Variants in PDSS2 observed in about 807,000 individuals in gnomAD.
PDSS2 encodes decaprenyl diphosphate synthase subunit 2.
PDSS2 carries 31 observed loss-of-function variants against 44.5 expected under a neutral mutation model. That is an observed-to-expected ratio of 0.70 (90% CI 0.52 to 0.94). The LOEUF is 0.94. Among genes scored for constraint, PDSS2 ranks in the 40% least tolerant of loss-of-function variants. The probability of loss-of-function intolerance (pLI) is 0.00; values close to 1 mark genes in which losing one functional copy is unlikely to be tolerated. For missense variants in PDSS2, 452 were observed against 482.2 expected (o/e 0.94, Z 0.59); for synonymous variants, 157 against 180.3 (o/e 0.87, Z 1.03).
intron 1 of PDSS2, among the ~76,000 whole-genome samples, chr6:107,391,761 C>T (rs1183691620): frequency 1.3e-5 from 2 of 151,978 alleles, no homozygotes; most frequent in Non-Finnish European, 2.9e-5. Context: ...AAATCCATTT[C>T]ATTCATGTAT....
intron 2 of PDSS2, among the ~76,000 whole-genome samples, chr6:107,288,038 T>C (rs1002539613): frequency 4.0e-5 from 6 of 151,664 alleles, no homozygotes; most frequent in Non-Finnish European, 5.9e-5. Flanking sequence ...AAATTAGAGA[T>C]GGGGTTTTCC....
intron 1 of PDSS2, among the ~76,000 whole-genome samples, chr6:107,352,714 T>C (rs1778470839): frequency 6.6e-6 from 1 of 152,210 alleles, no homozygotes; most frequent in East Asian, 1.9e-4. Flanking sequence ...TCGGGTGATT[T>C]TACCTTTCTC....
At chr6:107,258,005 GACTT>G (rs1387492549) in intron 3 of PDSS2, among the ~76,000 whole-genome samples, 14 of 152,240 alleles carry the variant, frequency 9.2e-5, no homozygotes, top group African/African-American at 3.1e-4. Context: ...TTTAGTATGT[GACTT>G]ACTTGTGTAA....
chr6:107,245,794 G>A (rs1480109277), intron 3 of PDSS2, among the ~76,000 whole-genome samples, 175 bp from the exon 4 acceptor site: 1 of 152,084 alleles, frequency 6.6e-6, no homozygotes, highest in Non-Finnish European at 1.5e-5. Context: ...TATTAAAGCT[G>A]TGATCCAAAT....
rs568153159 is a variant in PDSS2, at chr6:107,364,452, G to C, written c.297-30120C>G. Among the ~76,000 whole-genome samples, 199 of 152,340 alleles carry C rather than the reference G, an allele frequency of 1.3e-3. 2 individuals carry two copies. Among genetic ancestry groups the C allele is most frequent in the Admixed American group, 3.9e-3 (60 of 15,312 alleles). On this transcript the variant is annotated intron_variant, in intron 1 of 7. Transcript: ENST00000369037. Reference sequence around the variant, plus strand: ...AGCGCCAGTGGGCCGGCACTGCTGGGGGACTCAGTACACCCTCCGCAGCCA... The same window carrying C: ...AGCGCCAGTGGGCCGGCACTGCTGGCGGACTCAGTACACCCTCCGCAGCCA...
In PDSS2 at chr6:107,173,516, G is replaced by C. The variant is rs547460959; in HGVS notation, c.1042-18739C>G. 4.8e-4 allele frequency among the ~76,000 whole-genome samples: 68 copies of C among 141,062 alleles called. 1 individual carries two copies. The South Asian group carries it at 5.3e-3, about 11-fold the overall frequency. 92.5% of individuals were successfully genotyped at this position (141,062 alleles called of 152,430 possible). On this transcript the variant is annotated intron_variant, in intron 7 of 7. Transcript: ENST00000369037. ...TTCAACCTGGGAAGCAGAGGTTGCAGTGAGCCGAGATCGCGCCACTGCACT... is the reference window on the plus strand; with the variant it reads ...TTCAACCTGGGAAGCAGAGGTTGCACTGAGCCGAGATCGCGCCACTGCACT...
intron 2 of PDSS2, among the ~76,000 whole-genome samples, chr6:107,294,241 G>C (rs1046603771): frequency 6.6e-6 from 1 of 152,120 alleles, no homozygotes; most frequent in Non-Finnish European, 1.5e-5. Flanking sequence ...GAAAAAGAGT[G>C]TCAGGGCATA....
At chr6:107,436,246 G>A (rs1326105972) in intron 1 of PDSS2, among the ~76,000 whole-genome samples, 1 of 152,112 alleles carries the variant, frequency 6.6e-6, no homozygotes, top group African/African-American at 2.4e-5. Flanking sequence ...TGGCCCTAGA[G>A]AATAAAGAAG....
At chr6:107,434,884 T>C (rs180759760) in intron 1 of PDSS2, among the ~76,000 whole-genome samples, 7 of 152,208 alleles carry the variant, frequency 4.6e-5, no homozygotes, top group East Asian at 1.9e-4. Context: ...TGTATATATA[T>C]ACATATATAC....
intron 1 of PDSS2, among the ~76,000 whole-genome samples, chr6:107,356,485 G>A (rs1238671955): frequency 6.6e-6 from 1 of 152,132 alleles, no homozygotes; most frequent in Non-Finnish European, 1.5e-5. Flanking sequence ...CCTTTTTTCT[G>A]TAGCACACAT....
chr6:107,424,741 AC>A (rs1206698584), intron 1 of PDSS2, among the ~76,000 whole-genome samples: 1 of 152,250 alleles, frequency 6.6e-6, no homozygotes, highest in African/African-American at 2.4e-5. Context: ...CCATCATTTA[AC>A]AAGAAATTAG....
intron 4 of PDSS2, among the ~76,000 whole-genome samples, chr6:107,243,910 C>T (rs1339586291): frequency 1.3e-5 from 2 of 152,164 alleles, no homozygotes; most frequent in African/African-American, 4.8e-5. Context: ...GGGCAGATCA[C>T]CTGAGGTCAG....
intron 1 of PDSS2, among the ~76,000 whole-genome samples, chr6:107,424,155 T>G (rs887174278): frequency 2.0e-5 from 3 of 147,674 alleles, no homozygotes; most frequent in Non-Finnish European, 3.0e-5. Context: ...GATCCTCCCA[T>G]GACAGCATCT....
intron 4 of PDSS2, among the ~76,000 whole-genome samples, chr6:107,239,466 T>C (rs1774340889): frequency 6.6e-6 from 1 of 152,120 alleles, no homozygotes; most frequent in Non-Finnish European, 1.5e-5. Context: ...CAAAGTGTTA[T>C]ATACAGTAAC....
At chr6:107,222,407 C>G (rs1773638015) in intron 4 of PDSS2, among the ~76,000 whole-genome samples, 1 of 152,090 alleles carries the variant, frequency 6.6e-6, no homozygotes, top group Non-Finnish European at 1.5e-5. Context: ...GTAATCCCAG[C>G]ACTTTGGGAG....
chr6:107,218,885 T>C (rs1260828851), intron 4 of PDSS2, among the ~76,000 whole-genome samples: 2 of 151,944 alleles, frequency 1.3e-5, no homozygotes, highest in Non-Finnish European at 2.9e-5. Flanking sequence ...TGGTGAAACT[T>C]TGTCTCTACT....
At chr6:107,311,347 C>G (rs1777040206) in intron 2 of PDSS2, among the ~76,000 whole-genome samples, 1 of 151,934 alleles carries the variant, frequency 6.6e-6, no homozygotes, top group African/African-American at 2.4e-5. Context: ...GCTGGGACTA[C>G]AAGTATGTGC....
chr6:107,370,497 T>A (rs1175773623), intron 1 of PDSS2, among the ~76,000 whole-genome samples: 1 of 152,334 alleles, frequency 6.6e-6, no homozygotes, highest in African/African-American at 2.4e-5. Context: ...TTCAATAACA[T>A]CAGCAAAATT....
intron 2 of PDSS2, among the ~76,000 whole-genome samples, chr6:107,278,854 A>C (rs911799655): frequency 1.3e-5 from 2 of 152,220 alleles, no homozygotes; most frequent in African/African-American, 4.8e-5. Context: ...TGCAGAGGTT[A>C]AATACTTGAT....
Sources: allele counts gnomAD v4.1 joint callset (sites outside exome capture counted in the v4.1 genomes callset), GRCh38; gene constraint gnomAD v4.1.1; transcripts MANE v1.5; gene names NCBI Gene and HGNC (gene_info 2026-07-23, HGNC 2026-07-21).